The following RPGR variants were observed in gnomAD, a reference collection of about 807,000 sequenced individuals.
RPGR encodes X-linked retinitis pigmentosa GTPase regulator.
A neutral mutation model predicts 56.3 loss-of-function variants in RPGR; 10 were observed. The ratio of observed to expected loss-of-function variants is 0.18; its 90% CI spans 0.11 to 0.30. The LOEUF is 0.30. Ranked by LOEUF, RPGR falls within the 10% of genes least tolerant of loss-of-function variation. The probability of loss-of-function intolerance (pLI) is 1.00; values close to 1 mark genes in which losing one functional copy is unlikely to be tolerated. For missense variants in RPGR, 538 were observed against 590.9 expected, an observed-to-expected ratio of 0.91 and a Z score of 0.93; for synonymous variants, 197 against 212.9, an observed-to-expected ratio of 0.93 and a Z score of 0.65.
chrX:38,310,491 A>G lies in RPGR; in HGVS notation c.778+124T>C, dbSNP rs747699905. 3.7e-5 allele frequency: 24 copies of G among 649,709 alleles called. No homozygotes were observed. The South Asian group carries it at 6.1e-4, about 17-fold the overall frequency. The allele number at this position is 649,709 out of a possible 1,213,427, so 53.5% of individuals were successfully genotyped here. Reference sequence around the variant, plus strand: ...TTTATTATACTCTTAAAAATCTATTAAGAAGGTAGTTCTCATAGTATTCTT... The same window carrying G: ...TTTATTATACTCTTAAAAATCTATTGAGAAGGTAGTTCTCATAGTATTCTT... On this transcript the variant is annotated intron_variant, in intron 7 of 18. Transcript: ENST00000642395.
intron 17 of RPGR, chrX:38,273,760 A>G: frequency 9.9e-6 from 2 of 202,288 alleles, no homozygotes; most frequent in Non-Finnish European, 1.8e-5. Flanking sequence ...TAAAATACAA[A>G]TTACTTTAAA....
Position 38,275,112 on chromosome X carries a change from C to A in RPGR, c.2126G>T (p.Cys709Phe), listed in dbSNP as rs1199928946. The change falls in exon 17 of 19, where the codon TGT becomes TTT. Residue 709 changes from cysteine (C) to phenylalanine (F), a missense_variant. Coordinates refer to ENST00000642395, the MANE Select transcript of RPGR (RefSeq NM_000328.3). ...ACCTTTTGGGTTTTCATTGTACTCA[C>A]AAATGGCCCGTTCCTCTAGGTTGGC... The A allele has an allele frequency of 1.7e-6, 2 of 1,208,788 alleles. No homozygotes were observed.
chrX:38,269,777 T>C lies in RPGR; in HGVS notation c.2297A>G (p.Asn766Ser), dbSNP rs1018760621. ...GGATTTTATCTCTGGGAGCGGCTCA[T>C]TGTTATTCTTGACAATCTTTTGATT... The change falls in exon 19 of 19, where the codon AAT becomes AGT. Residue 766 changes from asparagine (N) to serine (S), a missense_variant. By Grantham distance (46) the Asn-to-Ser change is conservative. Around this residue, in one of 2 missense-constraint regions of RPGR, gnomAD observed 357 missense variants for 325.8 expected, o/e 1.10. Coordinates refer to ENST00000642395, the MANE Select transcript of RPGR (RefSeq NM_000328.3). 4.1e-6 allele frequency: 5 copies of C among 1,210,463 alleles called. No individual in the cohort carries two copies. Among genetic ancestry groups the C allele is most frequent in the Admixed American group, 2.2e-5 (1 of 45,997 alleles).
intron 15 of RPGR, chrX:38,285,519 T>A: frequency 2.2e-5 from 27 of 1,210,906 alleles, no homozygotes; most frequent in Non-Finnish European, 2.9e-5. Context: ...CTGGCCATAA[T>A]CGGGTCACAT....
At chrX:38,297,537 A>G in intron 10 of RPGR, 85 bp from the exon 11 acceptor site, 1 of 839,332 alleles carries the variant, frequency 1.2e-6, no homozygotes, top group Non-Finnish European at 1.7e-6. Flanking sequence ...TTGCTAAAAT[A>G]TTTAAGAGAA....
intron 18 of RPGR, chrX:38,272,205 A>C (rs1022821370): frequency 8.9e-6 from 1 of 111,834 alleles, no homozygotes; most frequent in African/African-American, 3.2e-5. Context: ...GAAAATATTC[A>C]AATATATAAT....
intron 10 of RPGR, 142 bp from the exon 11 acceptor site, chrX:38,297,594 C>T (rs1256010151): frequency 5.9e-6 from 3 of 506,825 alleles, no homozygotes; most frequent in Non-Finnish European, 9.8e-6. Flanking sequence ...CTTAATAATC[C>T]CCAAAGGCTC....
intron 15 of RPGR, chrX:38,286,576 TTTTCCTCCCCTCTCCCCTCTG>T: frequency 2.1e-6 from 2 of 941,256 alleles, no homozygotes; most frequent in Non-Finnish European, 2.8e-6. Context: ...TCCCTCCTCT[TTTTCCTCCCCTCTCCCCTCTG>T]TTTCCTCCTC....
intron 1 of RPGR, 98 bp downstream of exon 1, chrX:38,327,242 T>A: frequency 1.1e-6 from 1 of 906,622 alleles, no homozygotes; most frequent in Non-Finnish European, 1.5e-6. Context: ...CTGCCAAGCC[T>A]GGGGCCTGTC....
intron 7 of RPGR, among the ~76,000 whole-genome samples, chrX:38,309,907 TAAA>T (rs1216220449): frequency 8.9e-6 from 1 of 111,942 alleles, no homozygotes; most frequent in African/African-American, 3.2e-5. Context: ...TTTTTCTACT[TAAA>T]AAAAATATTC....
chrX:38,323,323 C>A, intron 2 of RPGR, 76 bp downstream of exon 2: 1 of 929,214 alleles, frequency 1.1e-6, no homozygotes. Context: ...ATGTTTAAAA[C>A]ACAGCAGCAT....
At chrX:38,301,181 A>G in intron 9 of RPGR, 66 bp downstream of exon 9, 1 of 951,402 alleles carries the variant, frequency 1.1e-6, no homozygotes, top group East Asian at 3.3e-5. Context: ...CTTATTTTCT[A>G]TGAAATACTG....
intron 15 of RPGR, chrX:38,286,686 C>T: frequency 1.7e-6 from 2 of 1,147,549 alleles, no homozygotes; most frequent in Admixed American, 2.7e-5. Context: ...TCTCTCCTTC[C>T]TCCTTTTCAC....
intron 13 of RPGR, among the ~76,000 whole-genome samples, chrX:38,289,699 G>A (rs190001701): frequency 1.8e-5 from 2 of 112,438 alleles, no homozygotes; most frequent in Non-Finnish European, 3.8e-5. Flanking sequence ...AAGTAGGCCT[G>A]GTAGGGCCTA....
chrX:38,294,765 T>C (rs2067347089), intron 11 of RPGR, among the ~76,000 whole-genome samples: 1 of 112,631 alleles, frequency 8.9e-6, no homozygotes, highest in South Asian at 3.6e-4. Flanking sequence ...TTCACACGTA[T>C]GTGTGGTGCA....
At position 38,327,364 on chromosome X, in the gene RPGR, T is replaced by C; in HGVS notation, c.4A>G (p.Arg2Gly). ...CCGGGCATCAGCTCTTCCGGCTCCC[T>C]CATGCCACGGGCAGTACGGGCAGCC... is the stretch of plus-strand genomic sequence containing the variant. Residue 2 changes from arginine (R) to glycine (G), a missense_variant, in exon 1 of 19, where the codon AGG becomes GGG. Around this residue, in one of 2 missense-constraint regions of RPGR, gnomAD observed 181 missense variants for 265.1 expected, o/e 0.68. Transcript: ENST00000642395. 1.7e-6 allele frequency: 2 copies of C among 1,188,426 alleles called. No individual in the cohort carries two copies. The highest frequency in any genetic ancestry group is 2.3e-5 in the Admixed American group (1 of 43,439).
intron 11 of RPGR, among the ~76,000 whole-genome samples, chrX:38,294,819 T>C (rs5963394): frequency 0.14 from 15,173 of 111,968 alleles, 919 homozygotes; most frequent in Middle Eastern, 0.23. Flanking sequence ...GTCTATAATG[T>C]ATTTCACATC....
At position 38,285,468 on chromosome X, in the gene RPGR, T is replaced by C. The variant is rs139467624; in HGVS notation, c.1905+1626A>G. 28,919 of 1,203,571 alleles carry C rather than the reference T, an allele frequency of 0.024. 288 individuals carry two copies. Among genetic ancestry groups the C allele is most frequent in the Middle Eastern group, 0.04 (172 of 4,281 alleles). On this transcript the variant is annotated intron_variant, in intron 15 of 18. Transcript: ENST00000642395. ...GACATAAAATCAATTTAATAACACG[T>C]AATGAGTGCCCGTTATATGCAAGGC... is the stretch of plus-strand genomic sequence containing the variant.
chrX:38,291,044 T>A lies in RPGR; in HGVS notation c.1507-20A>T. ...GTGTGTCTGAAATAAATAAAAAATA[T>A]ATATTATAAAAAGAATACAGTATAT... On this transcript the variant is annotated intron_variant, in intron 12 of 18. Coordinates refer to ENST00000642395, the MANE Select transcript of RPGR (RefSeq NM_000328.3). 1 of 729,812 alleles carries A rather than the reference T, an allele frequency of 1.4e-6. No individual in the cohort carries two copies. Among genetic ancestry groups the A allele is most frequent in the Non-Finnish European group, 1.9e-6 (1 of 529,164 alleles). The allele number at this position is 729,812 out of a possible 1,213,427, so 60.1% of individuals were successfully genotyped here.
Sources: allele counts gnomAD v4.1 joint callset (sites outside exome capture counted in the v4.1 genomes callset), GRCh38; gene constraint gnomAD v4.1.1; regional missense constraint gnomAD v4.1.1; transcripts MANE v1.5; gene names NCBI Gene and HGNC (gene_info 2026-07-23, HGNC 2026-07-21).